The following HS2ST1 variants were observed in gnomAD, a reference collection of about 807,000 sequenced individuals.
HS2ST1 encodes the protein heparan sulfate 2-O-sulfotransferase 1, also known as 2-O-sulfotransferase.
HS2ST1 carries 18 observed loss-of-function variants against 42.9 expected under a neutral mutation model. The ratio of observed to expected loss-of-function variants is 0.42; its 90% CI spans 0.29 to 0.62. The LOEUF (loss-of-function observed/expected upper bound fraction) is 0.62, where lower values mean the gene tolerates loss of function less well. Among genes scored for constraint, HS2ST1 ranks in the 20% least tolerant of loss-of-function variants. The pLI, the probability that HS2ST1 is intolerant of heterozygous loss-of-function variation, is 0.21. For missense variants in HS2ST1, 334 were observed against 433.8 expected (o/e 0.77, Z 2.04); for synonymous variants, 146 against 152.9 (o/e 0.95, Z 0.33).
chr1:87,103,743 T>C lies in HS2ST1; in HGVS notation c.844+154T>C, dbSNP rs186728298. Among the ~76,000 whole-genome samples, 437 of 152,288 alleles carry C rather than the reference T, an allele frequency of 2.9e-3. 1 individual carries two copies. The highest frequency in any genetic ancestry group is 9.8e-3 in the African/African-American group (409 of 41,566). On this transcript the variant is annotated intron_variant, in intron 6 of 6. Coordinates refer to ENST00000370550, the MANE Select transcript of HS2ST1 (RefSeq NM_012262.4). ...GTCGGTTTCTGCTCACTATTTTCAA[T>C]TGAGTAACTGTGAATTAGGTGAAAA...
chr1:87,026,643 A>G (rs779638937), intron 1 of HS2ST1, among the ~76,000 whole-genome samples: 3 of 152,140 alleles, frequency 2.0e-5, no homozygotes, highest in Non-Finnish European at 2.9e-5. Flanking sequence ...ATTAGTTACA[A>G]GGTTTAAATT....
intron 4 of HS2ST1, 36 bp downstream of exon 4, chr1:87,092,705 T>A: frequency 4.3e-6 from 6 of 1,409,978 alleles, no homozygotes; most frequent in Non-Finnish European, 5.7e-6. Context: ...ATAAAGATAA[T>A]TGTTTATGAA....
At chr1:86,915,344 G>A (rs191838082) in intron 1 of HS2ST1, among the ~76,000 whole-genome samples, 184 bp downstream of exon 1, 139 of 152,340 alleles carry the variant, frequency 9.1e-4, no homozygotes, top group African/African-American at 3.2e-3. Context: ...TTAAGCTTGA[G>A]CGGCGTGCTG....
At chr1:86,947,745 T>C (rs1647383464) in intron 1 of HS2ST1, among the ~76,000 whole-genome samples, 1 of 152,180 alleles carries the variant, frequency 6.6e-6, no homozygotes, top group Non-Finnish European at 1.5e-5. Flanking sequence ...ATGCTGGGTG[T>C]GTTTATATTT....
chr1:86,943,166 C>G (rs769891213), intron 1 of HS2ST1, among the ~76,000 whole-genome samples: 8 of 151,858 alleles, frequency 5.3e-5, no homozygotes, highest in Non-Finnish European at 8.8e-5. Flanking sequence ...TAAAAGGATC[C>G]TAAAAATTAA....
intron 1 of HS2ST1, among the ~76,000 whole-genome samples, chr1:87,032,957 CATTCTT>C (rs1489886766): frequency 2.0e-5 from 3 of 152,128 alleles, no homozygotes; most frequent in African/African-American, 7.2e-5. Flanking sequence ...TCATCTGACT[CATTCTT>C]AGTCTTTGGT....
intron 1 of HS2ST1, among the ~76,000 whole-genome samples, chr1:87,059,013 C>G (rs1651049511): frequency 6.6e-6 from 1 of 150,962 alleles, no homozygotes; most frequent in African/African-American, 2.4e-5. Context: ...GAGCCGAGAT[C>G]ACACCACTGC....
At chr1:87,080,368 A>T (rs900171365) in intron 2 of HS2ST1, among the ~76,000 whole-genome samples, 2 of 152,198 alleles carry the variant, frequency 1.3e-5, no homozygotes, top group African/African-American at 2.4e-5. Context: ...TGAGAGAGTT[A>T]TATCAACAGA....
At chr1:86,970,424 A>C (rs1488041438) in intron 1 of HS2ST1, among the ~76,000 whole-genome samples, 4 of 152,034 alleles carry the variant, frequency 2.6e-5, no homozygotes, top group Non-Finnish European at 5.9e-5. Context: ...TTTTTGAGAC[A>C]GAGTCTTGCT....
intron 2 of HS2ST1, among the ~76,000 whole-genome samples, chr1:87,080,367 T>A (rs938355675): frequency 1.3e-5 from 2 of 152,142 alleles, no homozygotes; most frequent in African/African-American, 4.8e-5. Context: ...TTGAGAGAGT[T>A]ATATCAACAG....
At position 87,005,624 on chromosome 1, in the gene HS2ST1, T is replaced by G. The variant is rs535043148; in HGVS notation, c.125-67310T>G. Among the ~76,000 whole-genome samples the G allele has an allele frequency of 4.6e-5, 7 of 152,310 alleles. No individual in the cohort carries two copies. The East Asian group carries it at 9.6e-4, about 21-fold the overall frequency. On this transcript the variant is annotated intron_variant, in intron 1 of 6. Transcript: ENST00000370550. The stretch of plus-strand genomic sequence containing the variant: ...ACATTTTGAATGCTCTTCCTTTATA[T>G]ATCATCACTTGTTGGATACCTAAGT...
intron 1 of HS2ST1, among the ~76,000 whole-genome samples, chr1:86,992,438 C>G (rs904364175): frequency 6.6e-6 from 1 of 151,856 alleles, no homozygotes; most frequent in African/African-American, 2.4e-5. Context: ...ATGATCTCGG[C>G]TCACCGCAGC....
chr1:86,994,667 G>T (rs1380378899), intron 1 of HS2ST1, among the ~76,000 whole-genome samples: 1 of 151,976 alleles, frequency 6.6e-6, no homozygotes, highest in Non-Finnish European at 1.5e-5. Flanking sequence ...TTGTAGTGGG[G>T]TCTCAGTGGT....
At chr1:87,061,012 A>G (rs1651106832) in intron 1 of HS2ST1, among the ~76,000 whole-genome samples, 1 of 152,090 alleles carries the variant, frequency 6.6e-6, no homozygotes, top group Admixed American at 6.6e-5. Context: ...TTATTTTGTA[A>G]TGTATTTTCA....
intron 1 of HS2ST1, among the ~76,000 whole-genome samples, chr1:87,056,015 ATG>A (rs1427780037): frequency 1.3e-5 from 2 of 152,128 alleles, no homozygotes; most frequent in Admixed American, 1.3e-4. Context: ...TGGTTTGAAT[ATG>A]GTTTGTCTCT....
At chr1:87,069,727 A>C (rs183102807) in intron 1 of HS2ST1, among the ~76,000 whole-genome samples, 94 of 152,342 alleles carry the variant, frequency 6.2e-4, no homozygotes, top group African/African-American at 2.2e-3. Context: ...TGTAAATACT[A>C]TTTGAATGAG....
intron 1 of HS2ST1, among the ~76,000 whole-genome samples, chr1:86,940,198 T>TCC (rs914418553): frequency 6.6e-6 from 1 of 151,874 alleles, no homozygotes; most frequent in African/African-American, 2.4e-5. Flanking sequence ...AAAGTGAGAT[T>TCC]CCCCGTCTCT....
intron 1 of HS2ST1, among the ~76,000 whole-genome samples, chr1:87,013,844 A>G (rs923210447): frequency 1.3e-5 from 2 of 152,156 alleles, no homozygotes; most frequent in Non-Finnish European, 1.5e-5. Context: ...ACCCTAAGTT[A>G]TTTCTCTCAA....
chr1:87,086,746 T>G (rs1651826067), intron 3 of HS2ST1, among the ~76,000 whole-genome samples: 1 of 152,136 alleles, frequency 6.6e-6, no homozygotes, highest in Non-Finnish European at 1.5e-5. Flanking sequence ...ATATCTTTTT[T>G]ACATTTTTGC....
Sources: allele counts gnomAD v4.1 joint callset (sites outside exome capture counted in the v4.1 genomes callset), GRCh38; gene constraint gnomAD v4.1.1; transcripts MANE v1.5; gene names NCBI Gene and HGNC (gene_info 2026-07-23, HGNC 2026-07-21).